MAD1L1: variants seen among roughly 807,000 people sequenced by gnomAD.
The protein encoded by MAD1L1 is mitotic spindle assembly checkpoint protein MAD1.
Under a neutral mutation model 96.9 loss-of-function variants are expected in MAD1L1, and 95 were observed. The observed-to-expected ratio is 0.98, with a 90% CI of 0.83 to 1.16. MAD1L1 has a LOEUF of 1.16. Among genes scored for constraint, MAD1L1 ranks in the 50% most tolerant of loss-of-function variants. The probability of loss-of-function intolerance (pLI) is 0.00; values close to 1 mark genes in which losing one functional copy is unlikely to be tolerated. For missense variants in MAD1L1, 1,007 were observed against 954.4 expected (o/e 1.06, Z -0.73); for synonymous variants, 473 against 396.6 (o/e 1.19, Z -2.29).
intron 15 of MAD1L1, among the ~76,000 whole-genome samples, chr7:1,976,414 A>C (rs1203390236): frequency 6.6e-6 from 1 of 152,106 alleles, no homozygotes; most frequent in African/African-American, 2.4e-5. Context: ...TGAGTGTTAC[A>C]GCTCTTAAGG....
chr7:2,228,745 CT>C (rs11317086), intron 3 of MAD1L1, among the ~76,000 whole-genome samples: 90,154 of 146,832 alleles, frequency 0.61, 27,411 homozygotes, highest in Middle Eastern at 0.77. Flanking sequence ...AACTAGCATT[CT>C]TTTTTTTTTT....
At chr7:2,078,833 G>A (rs148619987) in intron 11 of MAD1L1, among the ~76,000 whole-genome samples, 42 of 152,302 alleles carry the variant, frequency 2.8e-4, no homozygotes, top group Non-Finnish European at 3.1e-4. Context: ...CGGCAGCACC[G>A]GCCCCAGTCC....
At chr7:1,950,047 T>C (rs924916263) in intron 16 of MAD1L1, among the ~76,000 whole-genome samples, 1 of 151,964 alleles carries the variant, frequency 6.6e-6, no homozygotes, top group Non-Finnish European at 1.5e-5. Context: ...CCTGGGCACA[T>C]CTCTACTTGA....
intron 18 of MAD1L1, among the ~76,000 whole-genome samples, chr7:1,851,141 C>T (rs887164184): frequency 2.0e-5 from 3 of 152,224 alleles, no homozygotes; most frequent in East Asian, 3.9e-4. Context: ...CCTCCCAGCC[C>T]AACTGCTGAC....
chr7:1,906,167 C>A (rs1030524607), intron 17 of MAD1L1, among the ~76,000 whole-genome samples: 2 of 152,094 alleles, frequency 1.3e-5, no homozygotes, highest in Non-Finnish European at 2.9e-5. Flanking sequence ...AGCTGGCCCA[C>A]GTGGGAAGAC....
At chr7:1,906,049 CAAAA>C (rs10570929) in intron 17 of MAD1L1, among the ~76,000 whole-genome samples, 2,484 of 91,890 alleles carry the variant, frequency 0.027, 47 homozygotes, top group East Asian at 0.097. Flanking sequence ...GACTCCATCT[CAAAA>C]AAAAAAAAAA....
At chr7:1,910,175 C>T (rs543041890) in intron 17 of MAD1L1, among the ~76,000 whole-genome samples, 70 of 152,232 alleles carry the variant, frequency 4.6e-4, no homozygotes, top group African/African-American at 1.3e-3. Flanking sequence ...CCCCAAGGGA[C>T]AGCCCCCTCC....
At chr7:2,120,120 C>A (rs73037206) in intron 11 of MAD1L1, among the ~76,000 whole-genome samples, 4,116 of 152,338 alleles carry the variant, frequency 0.027, 94 homozygotes, top group South Asian at 0.089. Flanking sequence ...ACGCCCCACA[C>A]TGGGTCTATG....
chr7:1,879,884 C>A (rs991463561), intron 18 of MAD1L1, among the ~76,000 whole-genome samples: 1 of 152,200 alleles, frequency 6.6e-6, no homozygotes, highest in Non-Finnish European at 1.5e-5. Context: ...GCACCTGCCA[C>A]CACACCTGGC....
In MAD1L1 at chr7:2,198,956, G is replaced by A. The variant is rs535752590; in HGVS notation, c.986+14256C>T. Among the ~76,000 whole-genome samples the A allele has an allele frequency of 1.6e-4, 24 of 152,310 alleles. 1 individual carries two copies. In the South Asian group the frequency reaches 3.7e-3, roughly 24 times the overall value. On this transcript the variant is annotated intron_variant, in intron 10 of 18. Transcript: ENST00000265854. ...GCCGGCGACCAGTCCACAGAGAGACGCGCTGTGGGGCCCGACAGGCTGAGG... is the reference window on the plus strand; with the variant it reads ...GCCGGCGACCAGTCCACAGAGAGACACGCTGTGGGGCCCGACAGGCTGAGG...
At chr7:1,950,048 C>G (rs1308241978) in intron 16 of MAD1L1, among the ~76,000 whole-genome samples, 1 of 152,024 alleles carries the variant, frequency 6.6e-6, no homozygotes, top group Non-Finnish European at 1.5e-5. Flanking sequence ...CTGGGCACAT[C>G]TCTACTTGAG....
At chr7:2,076,167 C>G (rs1056687888) in intron 11 of MAD1L1, among the ~76,000 whole-genome samples, 1 of 152,182 alleles carries the variant, frequency 6.6e-6, no homozygotes, top group Non-Finnish European at 1.5e-5. Context: ...GACGCCTCCA[C>G]AGCCACGCCC....
In MAD1L1 at chr7:2,203,594, T is replaced by G. The variant is rs532222063; in HGVS notation, c.986+9618A>C. 9.2e-5 allele frequency among the ~76,000 whole-genome samples: 14 copies of G among 152,346 alleles called. No homozygotes were observed. In the East Asian group the frequency reaches 1.7e-3, roughly 19 times the overall value. ...CTAAGTGTCCATCAACAGGGGCTGC[T>G]GGAGTCTGAGTCCGTCTGCACTCCA... On this transcript the variant is annotated intron_variant, in intron 10 of 18. Transcript: ENST00000265854.
At chr7:1,835,809 G>A (rs1259107423) in intron 18 of MAD1L1, among the ~76,000 whole-genome samples, 3 of 152,214 alleles carry the variant, frequency 2.0e-5, no homozygotes, top group East Asian at 3.9e-4. Flanking sequence ...TTGATTATAT[G>A]CTAATGAAGG....
At chr7:1,917,156 G>A (rs1022117362) in intron 17 of MAD1L1, among the ~76,000 whole-genome samples, 2 of 152,202 alleles carry the variant, frequency 1.3e-5, no homozygotes, top group African/African-American at 4.8e-5. Flanking sequence ...GCGTCCAGGC[G>A]ATGCTCAGAA....
At position 1,870,789 on chromosome 7, in the gene MAD1L1, G is replaced by A. The variant is rs111240252; in HGVS notation, c.1998+27411C>T. On this transcript the variant is annotated intron_variant, in intron 18 of 18. Transcript: ENST00000265854. Reference sequence around the variant, plus strand: ...CTGAACCGACCATAACACCTGCCACGCTGAACCCAACATATGCCTGCCACG... The same window carrying A: ...CTGAACCGACCATAACACCTGCCACACTGAACCCAACATATGCCTGCCACG... Among the ~76,000 whole-genome samples the A allele has an allele frequency of 5.5e-5, 6 of 108,954 alleles. 1 individual carries two copies. The highest frequency in any genetic ancestry group is 7.5e-4 in the South Asian group (2 of 2,662). 71.5% of individuals were successfully genotyped at this position (108,954 alleles called of 152,430 possible).
In MAD1L1 at chr7:2,103,254, AG is replaced by A. The variant is rs1786909347; in HGVS notation, c.1074-33917del. Among the ~76,000 whole-genome samples, 1 of 152,122 alleles carries A rather than the reference AG, an allele frequency of 6.6e-6. No homozygotes were observed. Among genetic ancestry groups the A allele is most frequent in the African/African-American group, 2.4e-5 (1 of 41,410 alleles). On this transcript the variant is annotated intron_variant, in intron 11 of 18. Coordinates refer to ENST00000265854, the MANE Select transcript of MAD1L1 (RefSeq NM_001013836.2). The surrounding 1 kb of genome is among the most constrained non-coding windows in gnomAD (Gnocchi z 4.3). ...GGAGGCCGTCCATCCGGCCACGCTGAGGGCCGGGTCGCAGCCCAAGCCATGG... is the reference window on the plus strand; with the variant it reads ...GGAGGCCGTCCATCCGGCCACGCTGAGGCCGGGTCGCAGCCCAAGCCATGG...
intron 11 of MAD1L1, among the ~76,000 whole-genome samples, chr7:2,095,744 A>G (rs1408427925): frequency 1.3e-5 from 2 of 152,212 alleles, no homozygotes; most frequent in Non-Finnish European, 2.9e-5. Context: ...CGGCGGGGCC[A>G]ACGCAGGGAA....
chr7:2,065,164 T>C (rs1784826599), intron 12 of MAD1L1, among the ~76,000 whole-genome samples: 1 of 152,258 alleles, frequency 6.6e-6, no homozygotes, highest in South Asian at 2.1e-4. Context: ...TTGTACTTCC[T>C]GCATTCTGCC....
Sources: gnomAD v4.1 joint callset for allele counts (sites outside exome capture counted in the v4.1 genomes callset) on GRCh38, gnomAD v4.1.1 for gene constraint, Gnocchi (gnomAD v3.1) non-coding constraint, MANE v1.5 for transcripts, NCBI Gene and HGNC (gene_info 2026-07-23, HGNC 2026-07-21) for gene names.